Variants in CTDP1 observed in about 807,000 individuals in gnomAD.
CTDP1 encodes the protein RNA polymerase II subunit A C-terminal domain phosphatase.
In CTDP1, 47 loss-of-function variants were observed where a neutral mutation model predicts 91.8. That is an observed-to-expected ratio of 0.51 (90% CI 0.41 to 0.65). The LOEUF (loss-of-function observed/expected upper bound fraction) is 0.65. Among genes scored for constraint, CTDP1 ranks in the 30% least tolerant of loss-of-function variants. The pLI, the probability that CTDP1 is intolerant of heterozygous loss-of-function variation, is 0.00. For synonymous variants in CTDP1, 656 were observed against 598.5 expected, an observed-to-expected ratio of 1.10 and a Z score of -1.40; for missense variants, 1,272 against 1,373.7, an observed-to-expected ratio of 0.93 and a Z score of 1.17.
At chr18:79,700,088 A>G (rs190131053) in intron 4 of CTDP1, among the ~76,000 whole-genome samples, 406 of 152,274 alleles carry the variant, frequency 2.7e-3, no homozygotes, top group Non-Finnish European at 4.2e-3. Flanking sequence ...TGACTGCTCC[A>G]CCAACTGGCC....
chr18:79,715,288 C>G lies in CTDP1; in HGVS notation c.1828C>G (p.Arg610Gly). 1 of 1,610,210 alleles carries G rather than the reference C, an allele frequency of 6.2e-7. No individual in the cohort carries two copies. The highest frequency in any genetic ancestry group is 8.5e-7 in the Non-Finnish European group (1 of 1,178,286). ...CACTGACTACTATGCCAAGTATGAC[C>G]GCTACCTCAACAAGGAGATCGAGGA... ...VHTDYYAKYD[R>G]YLNKEIEEAP... The change falls in exon 8 of 13, where the codon CGC becomes GGC. Residue 610 changes from arginine to glycine, a missense_variant. By Grantham distance (125) the Arg-to-Gly change is moderately radical. This residue lies in a region of CTDP1 where 881 missense variants were observed against 911.6 expected (regional missense o/e 0.97). Coordinates refer to ENST00000613122, the MANE Select transcript of CTDP1 (RefSeq NM_004715.5).
chr18:79,717,872 C>T lies in CTDP1; in HGVS notation c.2273C>T (p.Pro758Leu), dbSNP rs777554210. Residue 758 changes from proline (P) to leucine (L), a missense_variant, in exon 10 of 13, where the codon CCG (proline) becomes CTG (leucine). Transcript: ENST00000613122. ...EGVPPTALFH[P>L]MPVLPKAQPG... Reference sequence around the variant, plus strand: ...GTGCCCCCCACCGCCTTGTTCCACCCGATGCCGGTTCTTCCCAAGGCCCAG... The same window carrying T: ...GTGCCCCCCACCGCCTTGTTCCACCTGATGCCGGTTCTTCCCAAGGCCCAG... 31 of 1,613,532 alleles carry T rather than the reference C, an allele frequency of 1.9e-5. No homozygotes were observed. In the East Asian group the frequency reaches 2.0e-4, roughly 10 times the overall value.
At chr18:79,717,715 T>A (rs1357545295) in intron 9 of CTDP1, 39 bp downstream of exon 9, 1 of 1,613,790 alleles carries the variant, frequency 6.2e-7, no homozygotes, top group Non-Finnish European at 8.5e-7. Flanking sequence ...GTGCCAGGCG[T>A]TCCCTTGCTG....
At chr18:79,688,957 A>G (rs1351022758) in intron 1 of CTDP1, among the ~76,000 whole-genome samples, 1 of 152,256 alleles carries the variant, frequency 6.6e-6, no homozygotes, top group Non-Finnish European at 1.5e-5. Context: ...GAGTTTGCTT[A>G]TCTTTCCCCA....
intron 12 of CTDP1, among the ~76,000 whole-genome samples, chr18:79,744,143 G>A (rs1038410521): frequency 5.3e-5 from 8 of 152,146 alleles, no homozygotes; most frequent in Admixed American, 4.6e-4. Flanking sequence ...TCCCTCCCTG[G>A]TTCCAGCTGT....
intron 10 of CTDP1, among the ~76,000 whole-genome samples, chr18:79,727,580 C>T (rs751357307): frequency 4.1e-4 from 63 of 152,188 alleles, no homozygotes; most frequent in Admixed American, 9.2e-4. Context: ...CTTGGGAAGT[C>T]CTGAATTCCA....
chr18:79,679,203 C>A (rs1458525616), upstream of CTDP1: 1 of 337,936 alleles, frequency 3.0e-6, no homozygotes, highest in African/African-American at 2.3e-5. Flanking sequence ...GAGGGCGGCG[C>A]ACCTGCCCCT....
intron 9 of CTDP1, 36 bp downstream of exon 9, chr18:79,717,712 G>T (rs780481265): frequency 3.1e-6 from 5 of 1,613,832 alleles, no homozygotes; most frequent in Non-Finnish European, 4.2e-6. Context: ...TCCGTGCCAG[G>T]CGTTCCCTTG....
chr18:79,716,312 C>G (rs977173001), intron 8 of CTDP1, among the ~76,000 whole-genome samples: 2 of 152,168 alleles, frequency 1.3e-5, no homozygotes, highest in African/African-American at 4.8e-5. Context: ...ACGCACGCTC[C>G]CTGACAGCAG....
intron 12 of CTDP1, among the ~76,000 whole-genome samples, chr18:79,740,375 C>A (rs1489837527): frequency 6.6e-6 from 1 of 152,220 alleles, no homozygotes; most frequent in African/African-American, 2.4e-5. Flanking sequence ...GACTCTTGGA[C>A]TTTGGGGACC....
intron 12 of CTDP1, among the ~76,000 whole-genome samples, chr18:79,740,812 G>A (rs558745872): frequency 7.9e-5 from 12 of 152,288 alleles, no homozygotes; most frequent in South Asian, 4.1e-4. Context: ...ATATGCAGCC[G>A]CCTGCCGGGC....
chr18:79,701,970 C>A (rs2085868876), intron 4 of CTDP1, among the ~76,000 whole-genome samples: 1 of 152,194 alleles, frequency 6.6e-6, no homozygotes, highest in Non-Finnish European at 1.5e-5. Flanking sequence ...AAAGTAGTTT[C>A]TTGAAATGGA....
intron 12 of CTDP1, among the ~76,000 whole-genome samples, chr18:79,750,460 G>A (rs905027089): frequency 1.1e-4 from 16 of 151,520 alleles, no homozygotes; most frequent in Admixed American, 7.9e-4. Flanking sequence ...AACTTGGACG[G>A]CAGGTATTAG....
At chr18:79,712,743 C>T (rs1367472034) in intron 6 of CTDP1, among the ~76,000 whole-genome samples, 1 of 152,140 alleles carries the variant, frequency 6.6e-6, no homozygotes, top group Non-Finnish European at 1.5e-5. Flanking sequence ...CTTTAAGAAA[C>T]AGTTTGGGAA....
At chr18:79,746,281 C>T (rs2086877869) in intron 12 of CTDP1, among the ~76,000 whole-genome samples, 1 of 94,392 alleles carries the variant, frequency 1.1e-5, no homozygotes, top group African/African-American at 4.1e-5. Flanking sequence ...GCGTCCCTCC[C>T]GTGCGCGTTC....
intron 5 of CTDP1, among the ~76,000 whole-genome samples, chr18:79,709,702 C>T (rs2086041284): frequency 6.6e-6 from 1 of 152,184 alleles, no homozygotes; most frequent in South Asian, 2.1e-4. Flanking sequence ...TTCCCAGTCT[C>T]CTCTGTCAGG....
chr18:79,705,240 C>T lies in CTDP1; in HGVS notation c.772+323C>T, dbSNP rs1039157415. 3.9e-5 allele frequency among the ~76,000 whole-genome samples: 6 copies of T among 152,104 alleles called. No individual in the cohort carries two copies. In the South Asian group the frequency reaches 6.2e-4, roughly 16 times the overall value. Reference sequence around the variant, plus strand: ...AAATCAGTTCACAGGGACTTTGGGCCGGGCTGCTTGTGTGTGCTCTTGCTG... The same window carrying T: ...AAATCAGTTCACAGGGACTTTGGGCTGGGCTGCTTGTGTGTGCTCTTGCTG... On this transcript the variant is annotated intron_variant, in intron 5 of 12. Transcript: ENST00000613122.
intron 12 of CTDP1, among the ~76,000 whole-genome samples, chr18:79,747,917 A>T (rs1020213198): frequency 4.6e-5 from 7 of 152,196 alleles, no homozygotes; most frequent in African/African-American, 1.4e-4. Flanking sequence ...TCCGGTGCCA[A>T]ATCGTGTGCA....
intron 10 of CTDP1, among the ~76,000 whole-genome samples, chr18:79,726,026 G>C (rs2086437793): frequency 6.6e-6 from 1 of 152,186 alleles, no homozygotes; most frequent in South Asian, 2.1e-4. Context: ...GTTTGACTCT[G>C]CTTTTTGAGT....
Sources: gnomAD v4.1 joint callset for allele counts (sites outside exome capture counted in the v4.1 genomes callset) on GRCh38, gnomAD v4.1.1 for gene constraint, gnomAD v4.1.1 regional missense constraint, MANE v1.5 for transcripts, NCBI Gene and HGNC (gene_info 2026-07-23, HGNC 2026-07-21) for gene names.